CUX1: variants seen among roughly 807,000 people sequenced by gnomAD.
CUX1 encodes protein CASP.
Under a neutral mutation model 158.8 loss-of-function variants are expected in CUX1, and 31 were observed. The observed-to-expected ratio is 0.20, with a 90% CI of 0.15 to 0.26. The LOEUF is 0.26. Ranked by LOEUF, CUX1 falls within the 10% of genes least tolerant of loss-of-function variation. CUX1 has a pLI of 1.00. For synonymous variants in CUX1, 879 were observed against 862.1 expected (o/e 1.02, Z -0.34); for missense variants, 1,589 against 2,014.6 (o/e 0.79, Z 4.04).
At chr7:101,843,067 C>T (rs540542641) in intron 1 of CUX1, among the ~76,000 whole-genome samples, 27 of 151,646 alleles carry the variant, frequency 1.8e-4, no homozygotes, top group Admixed American at 1.1e-3. Context: ...GGAGTTTCAC[C>T]GTGTTAGCCA....
chr7:101,979,611 A>C (rs1813154453), intron 2 of CUX1, among the ~76,000 whole-genome samples: 1 of 151,964 alleles, frequency 6.6e-6, no homozygotes, highest in African/African-American at 2.4e-5. Flanking sequence ...TGGTTTGGGG[A>C]AGACAGCTCC....
At chr7:102,008,515 T>C (rs1356542034) in intron 2 of CUX1, among the ~76,000 whole-genome samples, 2 of 152,172 alleles carry the variant, frequency 1.3e-5, no homozygotes, top group Non-Finnish European at 2.9e-5. Flanking sequence ...GTCGTGTGCG[T>C]GTCTTTATTC....
At chr7:101,994,647 G>A (rs968151173) in intron 2 of CUX1, among the ~76,000 whole-genome samples, 6 of 152,068 alleles carry the variant, frequency 3.9e-5, no homozygotes, top group African/African-American at 1.2e-4. Flanking sequence ...TCCCAGATCC[G>A]TGCCTCTGGA....
chr7:102,072,697 G>T (rs1454552621), intron 4 of CUX1, among the ~76,000 whole-genome samples: 2 of 152,136 alleles, frequency 1.3e-5, no homozygotes, highest in African/African-American at 4.8e-5. Context: ...GGAAGTCAGG[G>T]TGAATCAGCC....
chr7:101,912,910 C>G (rs113856131), intron 1 of CUX1, among the ~76,000 whole-genome samples: 1 of 152,272 alleles, frequency 6.6e-6, no homozygotes, highest in South Asian at 2.1e-4. Flanking sequence ...ACACGTGACC[C>G]GTGACTCATG....
At chr7:101,911,566 T>C (rs1049018740) in intron 1 of CUX1, among the ~76,000 whole-genome samples, 3 of 151,344 alleles carry the variant, frequency 2.0e-5, no homozygotes, top group Non-Finnish European at 4.4e-5. Flanking sequence ...CTCCAGTGGA[T>C]GACCTGAGCC....
intron 1 of CUX1, among the ~76,000 whole-genome samples, chr7:101,879,614 G>A (rs890481665): frequency 6.7e-6 from 1 of 150,224 alleles, no homozygotes; most frequent in Admixed American, 6.6e-5. Flanking sequence ...AGGCCAGCCA[G>A]CCAGTGTGGT....
intron 1 of CUX1, among the ~76,000 whole-genome samples, chr7:101,878,945 TACAGGCATGAG>T (rs1799435963): frequency 1.3e-5 from 2 of 152,206 alleles, no homozygotes; most frequent in Non-Finnish European, 2.9e-5. Flanking sequence ...GTGCTGGGAT[TACAGGCATGAG>T]CCACTGCACC....
intron 2 of CUX1, among the ~76,000 whole-genome samples, chr7:102,020,440 C>G (rs1275442960): frequency 6.7e-6 from 1 of 149,198 alleles, no homozygotes; most frequent in African/African-American, 2.4e-5. Context: ...TTTTTAAAGA[C>G]TCCATACCTG....
At chr7:102,215,496 G>A (rs1468582661) in intron 20 of CUX1, among the ~76,000 whole-genome samples, 1 of 152,150 alleles carries the variant, frequency 6.6e-6, no homozygotes, top group African/African-American at 2.4e-5. Context: ...AAATGAGTTC[G>A]CTGATAACGT....
At chr7:101,897,866 T>C (rs549415888) in intron 1 of CUX1, among the ~76,000 whole-genome samples, 2 of 152,300 alleles carry the variant, frequency 1.3e-5, no homozygotes, top group East Asian at 3.9e-4. Flanking sequence ...GAGTGGCAAG[T>C]CATGTAAAAA....
chr7:102,254,856 A>G lies in CUX1; in HGVS notation c.*5814A>G, dbSNP rs1789718701. The G allele has an allele frequency of 1.0e-6, 1 of 985,432 alleles. No individual in the cohort carries two copies. The highest frequency in any genetic ancestry group is 4.7e-5 in the South Asian group (1 of 21,292). The allele number at this position is 985,432 out of a possible 1,614,324, so 61.0% of individuals were successfully genotyped here. On this transcript the variant is annotated 3_prime_UTR_variant, in exon 24 of 24. Transcript: ENST00000292535. ...AACGCTAAGAGAATGGTCCAATTTG[A>G]TGATCTTATTTCTATTTCGATCAGG...
In CUX1 at chr7:101,869,062, T is replaced by C. The variant is rs1798208888; in HGVS notation, c.31-47053T>C. On this transcript the variant is annotated intron_variant, in intron 1 of 23. Transcript: ENST00000292535. This position sits in a 1 kb window ranked among gnomAD's most constrained non-coding sequence, Gnocchi z 4.5. ...CGGCTGGGGTGGAGACTTCCTGGCT[T>C]CCGAGGGCGGGCGAGGGGGCAAAGG... Among the ~76,000 whole-genome samples the C allele has an allele frequency of 7.0e-6, 1 of 143,200 alleles. No individual in the cohort carries two copies. The highest frequency in any genetic ancestry group is 1.5e-5 in the Non-Finnish European group (1 of 65,540). The allele number at this position is 143,200 out of a possible 152,430, so 93.9% of individuals were successfully genotyped here. A position where few individuals can be genotyped will look rare whatever the true frequency, so the allele number is the denominator to read the frequency against.
chr7:102,097,167 C>T (rs550072026), intron 4 of CUX1, among the ~76,000 whole-genome samples, 197 bp from the exon 5 acceptor site: 84 of 152,368 alleles, frequency 5.5e-4, no homozygotes, highest in South Asian at 1.7e-3. Context: ...TCGAGGACCC[C>T]GGGCTGGGTC....
In CUX1 at chr7:102,249,369, A is replaced by C; in HGVS notation, c.*327A>C. 3 of 998,054 alleles carry C rather than the reference A, an allele frequency of 3.0e-6. No individual in the cohort carries two copies. Among genetic ancestry groups the C allele is most frequent in the Non-Finnish European group, 3.6e-6 (3 of 837,978 alleles). 61.8% of individuals were successfully genotyped at this position (998,054 alleles called of 1,614,324 possible). ...ACCGCCCTGCGGGCCACAGGGCAAA[A>C]TCGCCATAGGCCAAGGTGCATATAG... On this transcript the variant is annotated 3_prime_UTR_variant, in exon 24 of 24. Transcript: ENST00000292535.
chr7:102,214,157 T>C (rs1391719971), intron 20 of CUX1, among the ~76,000 whole-genome samples: 1 of 151,866 alleles, frequency 6.6e-6, no homozygotes, highest in Non-Finnish European at 1.5e-5. Context: ...TAATAATAAG[T>C]GGAAATGGTT....
chr7:101,971,752 A>G (rs189981822), intron 2 of CUX1, among the ~76,000 whole-genome samples: 5 of 152,354 alleles, frequency 3.3e-5, no homozygotes, highest in Admixed American at 2.0e-4. Context: ...CCTCGTAAAA[A>G]GAAGTCACTT....
At chr7:102,042,264 C>T (rs529827154) in intron 3 of CUX1, among the ~76,000 whole-genome samples, 6 of 152,188 alleles carry the variant, frequency 3.9e-5, no homozygotes, top group Non-Finnish European at 8.8e-5. Flanking sequence ...GCTCCCCAGG[C>T]TCCTACCCTG....
At chr7:102,060,816 G>C (rs1824760935) in intron 3 of CUX1, among the ~76,000 whole-genome samples, 1 of 150,296 alleles carries the variant, frequency 6.7e-6, no homozygotes, top group Non-Finnish European at 1.5e-5. Flanking sequence ...GTTTCACCAT[G>C]TTGGCCAGGC....
Sources: gnomAD v4.1 joint callset for allele counts (sites outside exome capture counted in the v4.1 genomes callset) on GRCh38, gnomAD v4.1.1 for gene constraint, Gnocchi (gnomAD v3.1) non-coding constraint, MANE v1.5 for transcripts, NCBI Gene and HGNC (gene_info 2026-07-23, HGNC 2026-07-21) for gene names.